The following SPAG16 variants were observed in gnomAD, a reference collection of about 807,000 sequenced individuals.
SPAG16 encodes sperm associated antigen 16.
SPAG16 carries 86 observed loss-of-function variants against 80.4 expected under a neutral mutation model. The ratio of observed to expected loss-of-function variants is 1.07; its 90% CI spans 0.90 to 1.28. The LOEUF is 1.28. Ranked by LOEUF, SPAG16 falls within the 50% of genes most tolerant of loss-of-function variation. SPAG16 has a pLI of 0.00. For missense variants in SPAG16, 870 were observed against 765.3 expected (o/e 1.14, Z -1.61); for synonymous variants, 294 against 265.9 (o/e 1.11, Z -1.03).
intron 14 of SPAG16, among the ~76,000 whole-genome samples, chr2:214,142,209 C>T (rs1270128088): frequency 1.2e-4 from 19 of 152,122 alleles, no homozygotes; most frequent in Non-Finnish European, 2.9e-5. Context: ...CAATGACTAA[C>T]ATTTTAATTC....
chr2:214,375,440 A>T (rs1034940454), intron 15 of SPAG16, among the ~76,000 whole-genome samples: 8 of 152,078 alleles, frequency 5.3e-5, no homozygotes, highest in African/African-American at 1.9e-4. Flanking sequence ...ATTATCTGAG[A>T]CTAGTATATA....
chr2:214,000,599 C>A (rs13422043), intron 12 of SPAG16, among the ~76,000 whole-genome samples: 164 of 152,164 alleles, frequency 1.1e-3, no homozygotes, highest in Non-Finnish European at 1.8e-3. Flanking sequence ...CATATAAGGC[C>A]AGAGTCCTCA....
chr2:214,203,786 G>GT (rs1401551198), intron 15 of SPAG16, among the ~76,000 whole-genome samples: 3 of 152,126 alleles, frequency 2.0e-5, no homozygotes, highest in Non-Finnish European at 2.9e-5. Flanking sequence ...GCTGAACTTC[G>GT]TAACAATTTC....
intron 15 of SPAG16, among the ~76,000 whole-genome samples, chr2:214,394,954 TCAGA>T (rs915019320): frequency 6.6e-6 from 1 of 152,192 alleles, no homozygotes; most frequent in African/African-American, 2.4e-5. Flanking sequence ...ATAATAAAAA[TCAGA>T]CAGTATGTAG....
Position 213,413,476 on chromosome 2 carries a change from G to T in SPAG16, c.942+38357G>T, listed in dbSNP as rs182265762. Reference sequence around the variant, plus strand: ...AGCATCTCATCATGTGCTAGACATTGTATAGGTTATACTTTACATATGTTT... The same window carrying T: ...AGCATCTCATCATGTGCTAGACATTTTATAGGTTATACTTTACATATGTTT... On this transcript the variant is annotated intron_variant, in intron 9 of 15. Coordinates refer to ENST00000331683, the MANE Select transcript of SPAG16 (RefSeq NM_024532.5). Among the ~76,000 whole-genome samples, 12 of 152,156 alleles carry T rather than the reference G, an allele frequency of 7.9e-5. No individual in the cohort carries two copies. In the East Asian group the frequency reaches 2.1e-3, roughly 27 times the overall value.
At chr2:213,820,549 G>T (rs2072877236) in intron 10 of SPAG16, among the ~76,000 whole-genome samples, 1 of 151,998 alleles carries the variant, frequency 6.6e-6, no homozygotes, top group Admixed American at 6.6e-5. Flanking sequence ...ACCTTGATTT[G>T]CTGAGAATGA....
intron 14 of SPAG16, among the ~76,000 whole-genome samples, chr2:214,140,929 T>C (rs1249578131): frequency 3.4e-4 from 2 of 5,834 alleles, no homozygotes; most frequent in African/African-American, 1.7e-3. Context: ...GTATATCCCA[T>C]TGGTGGGGGG....
At chr2:213,845,701 T>C (rs920190699) in intron 10 of SPAG16, among the ~76,000 whole-genome samples, 4 of 152,160 alleles carry the variant, frequency 2.6e-5, no homozygotes, top group African/African-American at 7.2e-5. Context: ...CCATAAAACC[T>C]CAGTGGCACA....
At chr2:214,346,222 G>A (rs1011055663) in intron 15 of SPAG16, among the ~76,000 whole-genome samples, 6 of 151,714 alleles carry the variant, frequency 4.0e-5, no homozygotes, top group Admixed American at 1.3e-4. Flanking sequence ...CAGGGAGCGT[G>A]TTGTAGCATT....
intron 15 of SPAG16, among the ~76,000 whole-genome samples, chr2:214,366,288 T>C (rs536986547): frequency 6.6e-6 from 1 of 152,292 alleles, no homozygotes; most frequent in South Asian, 2.1e-4. Context: ...GCCAGGTATT[T>C]TTAAAGGACT....
At chr2:214,385,029 T>TATCA (rs1378384921) in intron 15 of SPAG16, among the ~76,000 whole-genome samples, 1 of 152,274 alleles carries the variant, frequency 6.6e-6, no homozygotes, top group Non-Finnish European at 1.5e-5. Flanking sequence ...GTATGTTTAC[T>TATCA]ATCAAATGGT....
chr2:214,242,902 C>T (rs914945488), intron 15 of SPAG16, among the ~76,000 whole-genome samples: 2 of 152,022 alleles, frequency 1.3e-5, no homozygotes, highest in Non-Finnish European at 2.9e-5. Flanking sequence ...ATTGTTTTAT[C>T]CTGTTGATAA....
At chr2:213,685,093 G>A (rs1322547453) in intron 10 of SPAG16, among the ~76,000 whole-genome samples, 2 of 152,200 alleles carry the variant, frequency 1.3e-5, no homozygotes, top group Non-Finnish European at 2.9e-5. Context: ...CCAGACAGAA[G>A]GGCTGAATAA....
intron 14 of SPAG16, among the ~76,000 whole-genome samples, chr2:214,147,896 G>A (rs1249248874): frequency 6.6e-6 from 1 of 152,112 alleles, no homozygotes; most frequent in Non-Finnish European, 1.5e-5. Context: ...TATTTTTACA[G>A]AAAGAATAGA....
chr2:213,898,846 A>G (rs1336545483), intron 11 of SPAG16, among the ~76,000 whole-genome samples: 1 of 152,140 alleles, frequency 6.6e-6, no homozygotes, highest in Non-Finnish European at 1.5e-5. Context: ...AACTGATCTT[A>G]TCAATAGAAA....
intron 15 of SPAG16, among the ~76,000 whole-genome samples, chr2:214,269,702 T>G (rs1431162516): frequency 6.6e-6 from 1 of 152,114 alleles, no homozygotes; most frequent in Non-Finnish European, 1.5e-5. Context: ...ACATATGTCA[T>G]GTAGCTGTTA....
intron 10 of SPAG16, among the ~76,000 whole-genome samples, chr2:213,613,425 C>T (rs1424750627): frequency 6.6e-6 from 1 of 152,208 alleles, no homozygotes; most frequent in African/African-American, 2.4e-5. Flanking sequence ...CACTCCACCC[C>T]TTACTGGTTT....
rs2065876295 is a variant in SPAG16, at chr2:213,359,786, G to C, written c.763-4290G>C. Among the ~76,000 whole-genome samples, 3 of 152,138 alleles carry C rather than the reference G, an allele frequency of 2.0e-5. No individual in the cohort carries two copies. The South Asian group carries it at 6.2e-4, about 32-fold the overall frequency. Reference sequence around the variant, plus strand: ...TTGCCCTCCGTGGGCTGCACCCACTGTCCAACCACTCCCAATGGGATGAAC... The same window carrying C: ...TTGCCCTCCGTGGGCTGCACCCACTCTCCAACCACTCCCAATGGGATGAAC... On this transcript the variant is annotated intron_variant, in intron 7 of 15. Transcript: ENST00000331683.
chr2:214,021,632 G>C (rs1214229615), intron 13 of SPAG16, among the ~76,000 whole-genome samples: 1 of 152,094 alleles, frequency 6.6e-6, no homozygotes, highest in Non-Finnish European at 1.5e-5. Context: ...TTATCAACTA[G>C]TTAACCTAAA....
Sources: gnomAD v4.1 joint callset for allele counts (sites outside exome capture counted in the v4.1 genomes callset) on GRCh38, gnomAD v4.1.1 for gene constraint, MANE v1.5 for transcripts, NCBI Gene and HGNC (gene_info 2026-07-23, HGNC 2026-07-21) for gene names.